MMAA: variants seen among roughly 807,000 people sequenced by gnomAD.
The protein encoded by MMAA is methylmalonic aciduria type A protein, mitochondrial.
In MMAA, 41 loss-of-function variants were observed where a neutral mutation model predicts 45.0. The ratio of observed to expected loss-of-function variants is 0.91; its 90% CI spans 0.71 to 1.18. The LOEUF (loss-of-function observed/expected upper bound fraction) is 1.18, where lower values mean the gene tolerates loss of function less well. MMAA is among the 50% of genes most tolerant of loss of function. MMAA has a pLI of 0.00. For synonymous variants in MMAA, 154 were observed against 178.2 expected, an observed-to-expected ratio of 0.86 and a Z score of 1.08; for missense variants, 460 against 495.7, an observed-to-expected ratio of 0.93 and a Z score of 0.68.
At chr4:145,650,034 G>A (rs1481145317) in intron 4 of MMAA, among the ~76,000 whole-genome samples, 1 of 152,214 alleles carries the variant, frequency 6.6e-6, no homozygotes, top group African/African-American at 2.4e-5. Context: ...AAGTGAAGTG[G>A]AAGGAGTCAG....
chr4:145,646,511 G>T, intron 4 of MMAA: 1 of 230,392 alleles, frequency 4.3e-6, no homozygotes, highest in South Asian at 6.9e-5. Context: ...GAAAATTAAT[G>T]TAGTTGGGTG....
chr4:145,639,099 A>G lies in MMAA; in HGVS notation c.-41A>G. ...GGGAGGTCACAATCACATTGAGCCA[A>G]AACGCATCCAGTGTTTTCTCCAGTT... On this transcript the variant is annotated 5_prime_UTR_variant, in exon 2 of 7. Transcript: ENST00000649156. 6.2e-7 allele frequency: 1 copy of G among 1,603,132 alleles called. No homozygotes were observed.
At chr4:145,635,919 G>C (rs1296883820) in intron 1 of MMAA, among the ~76,000 whole-genome samples, 1 of 152,164 alleles carries the variant, frequency 6.6e-6, no homozygotes, top group Admixed American at 6.5e-5. Flanking sequence ...AATTTATTAA[G>C]TAATGCCTGC....
intron 5 of MMAA, 22 bp downstream of exon 5, chr4:145,651,169 C>A (rs765498620): frequency 1.3e-6 from 2 of 1,590,036 alleles, no homozygotes; most frequent in Admixed American, 1.7e-5. Flanking sequence ...TATTTTTTCC[C>A]CCAAAAATAT....
At chr4:145,655,060 A>C (rs1047656012) in intron 6 of MMAA, 87 bp from the exon 7 acceptor site, 2 of 1,436,632 alleles carry the variant, frequency 1.4e-6, no homozygotes, top group South Asian at 1.2e-5. Flanking sequence ...TGTAGACCGT[A>C]AGAATTAACT....
At chr4:145,629,144 G>GT (rs1457688794) in intron 1 of MMAA, among the ~76,000 whole-genome samples, 2 of 151,842 alleles carry the variant, frequency 1.3e-5, no homozygotes, top group South Asian at 2.1e-4. Context: ...TTTTTGTTTT[G>GT]TTTTTTGAGA....
rs1217590039 is a variant in MMAA at position 145,656,394 on chromosome 4, A to G, written c.*960A>G. 6.6e-6 allele frequency: 1 copy of G among 152,200 alleles called. No homozygotes were observed. The highest frequency in any genetic ancestry group is 1.9e-4 in the East Asian group (1 of 5,202). 9.4% of individuals were successfully genotyped at this position (152,200 alleles called of 1,614,324 possible). ...CAATTGTATATTAGCTACATGAGCT[A>G]ATCTCTTTAAGCTTCCATTTCCTCC... On this transcript the variant is annotated 3_prime_UTR_variant, in exon 7 of 7. Coordinates refer to ENST00000649156, the MANE Select transcript of MMAA (RefSeq NM_172250.3).
In MMAA at chr4:145,653,238, A is replaced by G. The variant is rs142771945; in HGVS notation, c.820-756A>G. ...TATAATTCTAAAACATAGTGATTGCAGACTATCGCTGCTTATTTAGAAACA... is the reference window on the plus strand; with the variant it reads ...TATAATTCTAAAACATAGTGATTGCGGACTATCGCTGCTTATTTAGAAACA... On this transcript the variant is annotated intron_variant, in intron 5 of 6. Coordinates refer to ENST00000649156, the MANE Select transcript of MMAA (RefSeq NM_172250.3). Among the ~76,000 whole-genome samples, 49 of 152,332 alleles carry G rather than the reference A, an allele frequency of 3.2e-4. No homozygotes were observed. The East Asian group carries it at 9.1e-3, about 28-fold the overall frequency.
In MMAA at chr4:145,657,650, G is replaced by A. The variant is rs532931521; in HGVS notation, c.*2216G>A. 2.6e-5 allele frequency: 4 copies of A among 152,280 alleles called. No individual in the cohort carries two copies. Among genetic ancestry groups the A allele is most frequent in the African/African-American group, 9.6e-5 (4 of 41,552 alleles). 9.4% of individuals were successfully genotyped at this position (152,280 alleles called of 1,614,324 possible). On this transcript the variant is annotated 3_prime_UTR_variant, in exon 7 of 7. Transcript: ENST00000649156. ...GCTTAGCCTCAATAATTGGTAGGTG[G>A]TGGTGTAAATATTTTACATAGATAC... is the stretch of plus-strand genomic sequence containing the variant.
rs1734285361 is a variant in MMAA at position 145,629,615 on chromosome 4, C to T, written c.-65-9460C>T. 2.0e-5 allele frequency among the ~76,000 whole-genome samples: 3 copies of T among 152,140 alleles called. No individual in the cohort carries two copies. The South Asian group carries it at 6.2e-4, about 32-fold the overall frequency. On this transcript the variant is annotated intron_variant, in intron 1 of 6. Transcript: ENST00000649156. ...CTTGTATTAGTTCATTTTCATGTTG[C>T]TGACAAAGACATACCTGAGACTGAG...
intron 1 of MMAA, among the ~76,000 whole-genome samples, chr4:145,620,436 G>A (rs1034375274): frequency 1.3e-5 from 2 of 152,216 alleles, no homozygotes; most frequent in Non-Finnish European, 2.9e-5. Flanking sequence ...TGCCATGTGG[G>A]AATGGGGGTC....
At chr4:145,646,596 T>G (rs1412947900) in intron 4 of MMAA, 10 of 186,094 alleles carry the variant, frequency 5.4e-5, no homozygotes, top group Non-Finnish European at 1.1e-4. Flanking sequence ...ATGAAGACAC[T>G]GAAATGAAAA....
At chr4:145,645,450 G>C (rs1727902046) in intron 3 of MMAA, among the ~76,000 whole-genome samples, 1 of 152,210 alleles carries the variant, frequency 6.6e-6, no homozygotes, top group Non-Finnish European at 1.5e-5. Flanking sequence ...GCTTCTCCCA[G>C]TAGCATATTA....
At chr4:145,647,565 G>A (rs993312827) in intron 4 of MMAA, among the ~76,000 whole-genome samples, 2 of 152,154 alleles carry the variant, frequency 1.3e-5, no homozygotes, top group African/African-American at 4.8e-5. Context: ...CACAGTTCTG[G>A]TGACTGGAAG....
chr4:145,653,466 G>A (rs1728150768), intron 5 of MMAA, among the ~76,000 whole-genome samples: 2 of 151,886 alleles, frequency 1.3e-5, no homozygotes, highest in African/African-American at 4.8e-5. Context: ...AAAATACAAA[G>A]TATAAAAATA....
rs543204236 is a variant in MMAA, at chr4:145,657,699, A to T, written c.*2265A>T. The T allele has an allele frequency of 6.6e-6, 1 of 152,342 alleles. No homozygotes were observed. Among genetic ancestry groups the T allele is most frequent in the African/African-American group, 2.4e-5 (1 of 41,580 alleles). The allele number at this position is 152,342 out of a possible 1,614,324, so 9.4% of individuals were successfully genotyped here. A position where few individuals can be genotyped will look rare whatever the true frequency, so the allele number is the denominator to read the frequency against. On this transcript the variant is annotated 3_prime_UTR_variant, in exon 7 of 7. Transcript: ENST00000649156. Reference sequence around the variant, plus strand: ...ACTTGTGACAGTTCTTTGTTCTACAAAACAGACTAATATTAATTTCAGATT... The same window carrying T: ...ACTTGTGACAGTTCTTTGTTCTACATAACAGACTAATATTAATTTCAGATT...
chr4:145,627,498 C>A (rs1241343954), intron 1 of MMAA, among the ~76,000 whole-genome samples: 1 of 152,136 alleles, frequency 6.6e-6, no homozygotes, highest in African/African-American at 2.4e-5. Flanking sequence ...GTGTGCCAGG[C>A]ACTGTGATAG....
chr4:145,639,459 T>A lies in MMAA; in HGVS notation c.320T>A (p.Leu107His). The change falls in exon 2 of 7, where the codon CTT becomes CAT. Residue 107 changes from leucine to histidine, a missense_variant. Coordinates refer to ENST00000649156, the MANE Select transcript of MMAA (RefSeq NM_172250.3). Reference sequence around the variant, plus strand: ...GCCTGTTTAGCAGAGGCCATAACTCTTGTAGAATCAACTCACAGCAGGAAA... The same window carrying A: ...GCCTGTTTAGCAGAGGCCATAACTCATGTAGAATCAACTCACAGCAGGAAA... ...QRACLAEAITLVESTHSRKKE... is the reference protein window; with the variant it reads ...QRACLAEAITHVESTHSRKKE... The A allele has an allele frequency of 6.2e-7, 1 of 1,614,172 alleles. No individual in the cohort carries two copies. Among genetic ancestry groups the A allele is most frequent in the Non-Finnish European group, 8.5e-7 (1 of 1,180,028 alleles).
chr4:145,626,443 AT>A (rs1450074962), intron 1 of MMAA, among the ~76,000 whole-genome samples: 1 of 152,228 alleles, frequency 6.6e-6, no homozygotes, highest in Non-Finnish European at 1.5e-5. Flanking sequence ...AGCAAAAAAC[AT>A]TTTAAAATGT....
Sources: allele counts gnomAD v4.1 joint callset (sites outside exome capture counted in the v4.1 genomes callset), GRCh38; gene constraint gnomAD v4.1.1; transcripts MANE v1.5; gene names NCBI Gene and HGNC (gene_info 2026-07-23, HGNC 2026-07-21).